PHIP: variants seen among roughly 807,000 people sequenced by gnomAD.
PHIP encodes the protein PH-interacting protein.
In PHIP, 54 loss-of-function variants were observed where a neutral mutation model predicts 236.8. The observed-to-expected ratio is 0.23, with a 90% CI of 0.18 to 0.29. The LOEUF (loss-of-function observed/expected upper bound fraction) is 0.29, where lower values mean the gene tolerates loss of function less well. Among genes scored for constraint, PHIP ranks in the 10% least tolerant of loss-of-function variants. The probability of loss-of-function intolerance (pLI) is 1.00; values close to 1 mark genes in which losing one functional copy is unlikely to be tolerated. For synonymous variants in PHIP, 756 were observed against 718.9 expected (o/e 1.05, Z -0.83); for missense variants, 1,370 against 2,190.8 (o/e 0.63, Z 7.48).
intron 27 of PHIP, among the ~76,000 whole-genome samples, chr6:78,966,354 CATT>C (rs1767132881): frequency 6.6e-6 from 1 of 152,184 alleles, no homozygotes; most frequent in Non-Finnish European, 1.5e-5. Context: ...TGAAATTCAT[CATT>C]AACACTATAC....
chr6:78,981,251 C>A (rs1484999204), intron 23 of PHIP, among the ~76,000 whole-genome samples: 1 of 151,848 alleles, frequency 6.6e-6, no homozygotes, highest in Non-Finnish European at 1.5e-5. Flanking sequence ...AATCTTATTT[C>A]CTCTAGGAAA....
Position 78,946,754 on chromosome 6 carries a change from T to C in PHIP, c.4327A>G (p.Lys1443Glu). The C allele has an allele frequency of 6.3e-7, 1 of 1,590,560 alleles. No individual in the cohort carries two copies. Among genetic ancestry groups the C allele is most frequent in the East Asian group, 2.3e-5 (1 of 43,516 alleles). ...GAAACAGAGCTGCTTCTGTTTCTTTTCTTCCTCCTTTTGGTTATGGTATTT... is the reference window on the plus strand; with the variant it reads ...GAAACAGAGCTGCTTCTGTTTCTTTCCTTCCTCCTTTTGGTTATGGTATTT... Reference protein sequence around the residue: ...KRNTITKRRKKRNRSSSVSSS... With the variant: ...KRNTITKRRKERNRSSSVSSS... Residue 1443 changes from lysine to glutamate, a missense_variant, in exon 37 of 40, where the codon AAA (lysine) becomes GAA (glutamate). Around this residue, in one of 14 missense-constraint regions of PHIP, gnomAD observed 125 missense variants for 235.1 expected, o/e 0.53. Coordinates refer to ENST00000275034, the MANE Select transcript of PHIP (RefSeq NM_017934.7).
At chr6:78,965,303 A>C (rs1767057931) in intron 29 of PHIP, among the ~76,000 whole-genome samples, 1 of 152,184 alleles carries the variant, frequency 6.6e-6, no homozygotes, top group African/African-American at 2.4e-5. Flanking sequence ...TGCCAAGATC[A>C]CATAAAAAAT....
intron 6 of PHIP, among the ~76,000 whole-genome samples, chr6:79,055,452 G>GT (rs1773021527): frequency 6.6e-6 from 1 of 152,108 alleles, no homozygotes; most frequent in African/African-American, 2.4e-5. Context: ...GGGTATGGAG[G>GT]TAAGAGAAAG....
Position 78,938,294 on chromosome 6 carries a change from T to TA in PHIP, c.*2398dup, listed in dbSNP as rs1773346944. 6.6e-6 allele frequency: 1 copy of TA among 151,694 alleles called. No individual in the cohort carries two copies. The highest frequency in any genetic ancestry group is 1.5e-5 in the Non-Finnish European group (1 of 67,598). The allele number at this position is 151,694 out of a possible 1,614,324, so 9.4% of individuals were successfully genotyped here. On this transcript the variant is annotated 3_prime_UTR_variant, in exon 40 of 40. Coordinates refer to ENST00000275034, the MANE Select transcript of PHIP (RefSeq NM_017934.7). ...ATATACAGTGTCTGTAGAACAGGAA[T>TA]AATACATTTACATGTTATAGGAAAG...
rs1364697336 is a variant in PHIP, at chr6:79,002,140, T to C, written c.1654-16A>G. The C allele has an allele frequency of 1.3e-6, 2 of 1,550,390 alleles. No homozygotes were observed. Among genetic ancestry groups the C allele is most frequent in the East Asian group, 2.3e-5 (1 of 44,346 alleles). On this transcript the variant is annotated splice_polypyrimidine_tract_variant and intron_variant, in intron 16 of 39. Coordinates refer to ENST00000275034, the MANE Select transcript of PHIP (RefSeq NM_017934.7). Reference sequence around the variant, plus strand: ...GATCTGCTATCTGCAAAAAGAAAAGTCCATAAAAGACTGGAAAAATAAAAA... The same window carrying C: ...GATCTGCTATCTGCAAAAAGAAAAGCCCATAAAAGACTGGAAAAATAAAAA...
At chr6:78,972,496 T>C (rs909937098) in intron 24 of PHIP, among the ~76,000 whole-genome samples, 2 of 152,088 alleles carry the variant, frequency 1.3e-5, no homozygotes, top group African/African-American at 4.8e-5. Flanking sequence ...GGAACACAGC[T>C]CCTCACCAGC....
At chr6:78,944,945 A>C (rs1773719751) in intron 39 of PHIP, among the ~76,000 whole-genome samples, 2 of 149,868 alleles carry the variant, frequency 1.3e-5, no homozygotes, top group East Asian at 4.1e-4. Context: ...CCAATGAATT[A>C]TTATTTAGTA....
intron 20 of PHIP, among the ~76,000 whole-genome samples, chr6:78,990,108 G>A (rs1256024313): frequency 6.6e-6 from 1 of 152,124 alleles, no homozygotes; most frequent in Admixed American, 6.5e-5. Flanking sequence ...ACACGAAGCT[G>A]GTGAAGAAGG....
intron 24 of PHIP, among the ~76,000 whole-genome samples, chr6:78,974,792 T>C (rs1049350283): frequency 1.3e-5 from 2 of 151,542 alleles, no homozygotes; most frequent in African/African-American, 2.4e-5. Context: ...ATAAATTCCT[T>C]GACACATACA....
chr6:79,073,570 T>C, intron 4 of PHIP, among the ~76,000 whole-genome samples: 1 of 151,138 alleles, frequency 6.6e-6, no homozygotes, highest in East Asian at 1.9e-4. Flanking sequence ...TATGATATCT[T>C]TTTTTTTTCC....
At chr6:78,988,000 T>A (rs548182473) in intron 21 of PHIP, among the ~76,000 whole-genome samples, 1 of 152,310 alleles carries the variant, frequency 6.6e-6, no homozygotes, top group South Asian at 2.1e-4. Flanking sequence ...AATAATTAAT[T>A]CACGAGTTTA....
chr6:79,070,155 G>A (rs967069936), intron 4 of PHIP, among the ~76,000 whole-genome samples: 3 of 152,070 alleles, frequency 2.0e-5, no homozygotes, highest in Non-Finnish European at 4.4e-5. Flanking sequence ...ACATTTAACT[G>A]CTTAAAATAA....
intron 24 of PHIP, among the ~76,000 whole-genome samples, chr6:78,977,675 T>G (rs1275990003): frequency 1.3e-5 from 2 of 152,186 alleles, no homozygotes; most frequent in Non-Finnish European, 2.9e-5. Flanking sequence ...TCTGGCCATG[T>G]TGAAATAATG....
intron 6 of PHIP, among the ~76,000 whole-genome samples, chr6:79,059,612 T>TAA (rs1773259284): frequency 9.1e-6 from 1 of 110,188 alleles, no homozygotes; most frequent in Non-Finnish European, 2.0e-5. Context: ...TATATATATA[T>TAA]ATATATATAT....
intron 7 of PHIP, among the ~76,000 whole-genome samples, chr6:79,035,213 A>T (rs1257053698): frequency 6.6e-6 from 1 of 152,130 alleles, no homozygotes; most frequent in East Asian, 1.9e-4. Context: ...CTGTAATAAA[A>T]ATACTGCCTT....
intron 6 of PHIP, among the ~76,000 whole-genome samples, chr6:79,048,065 A>G (rs942146310): frequency 6.6e-6 from 1 of 151,666 alleles, no homozygotes; most frequent in Non-Finnish European, 1.5e-5. Flanking sequence ...TGCCAATACC[A>G]AAATTTTAAT....
At position 78,947,610 on chromosome 6, in the gene PHIP, T is replaced by G. The variant is rs775855546; in HGVS notation, c.4206+13A>C. Reference sequence around the variant, plus strand: ...TTAATCTAGTCATAAAAGAAAATAATGTAATTATATACCCTTGATCTTTTG... The same window carrying G: ...TTAATCTAGTCATAAAAGAAAATAAGGTAATTATATACCCTTGATCTTTTG... On this transcript the variant is annotated intron_variant, in intron 36 of 39. Transcript: ENST00000275034. 7.9e-6 allele frequency: 10 copies of G among 1,262,484 alleles called. No homozygotes were observed. Among genetic ancestry groups the G allele is most frequent in the South Asian group, 5.4e-5 (4 of 73,666 alleles). 78.2% of individuals were successfully genotyped at this position (1,262,484 alleles called of 1,614,324 possible).
chr6:78,946,286 C>A, intron 37 of PHIP, 26 bp from the exon 38 acceptor site: 1 of 1,599,204 alleles, frequency 6.3e-7, no homozygotes, highest in Non-Finnish European at 8.5e-7. Context: ...TATTGTCAGT[C>A]ACTCTTATAG....
Sources: gnomAD v4.1 joint callset for allele counts (sites outside exome capture counted in the v4.1 genomes callset) on GRCh38, gnomAD v4.1.1 for gene constraint, gnomAD v4.1.1 regional missense constraint, MANE v1.5 for transcripts, NCBI Gene and HGNC (gene_info 2026-07-23, HGNC 2026-07-21) for gene names.